The following CCDC62 variants were observed in gnomAD, a reference collection of about 807,000 sequenced individuals.
CCDC62 encodes coiled-coil domain-containing protein 62.
In CCDC62, 72 loss-of-function variants were observed where a neutral mutation model predicts 80.8. That is an observed-to-expected ratio of 0.89 (90% confidence interval 0.74 to 1.08). The LOEUF is 1.08. Among genes scored for constraint, CCDC62 ranks in the 50% least tolerant of loss-of-function variants. CCDC62 has a pLI of 0.00. For missense variants in CCDC62, 704 were observed against 809.4 expected (o/e 0.87, Z 1.58); for synonymous variants, 286 against 296.5 (o/e 0.96, Z 0.36).
intron 3 of CCDC62, 88 bp downstream of exon 3, chr12:122,781,418 G>A (rs1879856131): frequency 7.1e-6 from 9 of 1,276,350 alleles, no homozygotes; most frequent in South Asian, 6.1e-5. Flanking sequence ...GGGCACGGTG[G>A]CTCACTCCTG....
intron 11 of CCDC62, among the ~76,000 whole-genome samples, chr12:122,819,382 G>A (rs1366040429): frequency 3.9e-5 from 6 of 152,278 alleles, no homozygotes; most frequent in Admixed American, 2.0e-4. Flanking sequence ...ACTCTCCCAC[G>A]TTGCCAGGGA....
chr12:122,822,060 A>AACACACAGAC (rs2032425038), intron 11 of CCDC62, among the ~76,000 whole-genome samples: 1 of 115,764 alleles, frequency 8.6e-6, no homozygotes, highest in Admixed American at 1.1e-4. Flanking sequence ...TATAAATTTA[A>AACACACAGAC]ACACACACAC....
chr12:122,781,934 C>T (rs1343296288), intron 3 of CCDC62, among the ~76,000 whole-genome samples: 2 of 149,258 alleles, frequency 1.3e-5, no homozygotes, highest in Admixed American at 6.8e-5. Context: ...GTCCCAGCTA[C>T]TTGGGAGGCT....
rs897557563 is a variant in CCDC62, at chr12:122,797,329, T to C, written c.795T>C (p.Asp265=). The change falls in exon 7 of 13, where the codon GAT becomes GAC. Residue 265 remains aspartate, a synonymous_variant. Transcript: ENST00000253079. ...LFTVEREKRK[D]ELLNIAKSKQ... ...TAGTAGAGAGAGAAAAGAGGAAAGA[T>C]GAATTGCTTAATATTGCGAAGTCAA... 20 of 1,582,446 alleles carry C rather than the reference T, an allele frequency of 1.3e-5. No homozygotes were observed. The highest frequency in any genetic ancestry group is 3.3e-5 in the Admixed American group (2 of 59,890).
intron 3 of CCDC62, among the ~76,000 whole-genome samples, chr12:122,782,672 G>A (rs1201892262): frequency 6.6e-6 from 1 of 151,874 alleles, no homozygotes; most frequent in East Asian, 1.9e-4. Context: ...TGGCCAGGCT[G>A]GTCTCCAACG....
intron 4 of CCDC62, 42 bp from the exon 5 acceptor site, chr12:122,788,716 A>G (rs370931122): frequency 4.9e-4 from 618 of 1,263,738 alleles, no homozygotes; most frequent in Non-Finnish European, 6.5e-4. Context: ...GTTAATTGGA[A>G]TTTAAGAATC....
intron 10 of CCDC62, among the ~76,000 whole-genome samples, chr12:122,812,830 AAG>A (rs2031999946): frequency 6.6e-6 from 1 of 151,356 alleles, no homozygotes; most frequent in Non-Finnish European, 1.5e-5. Context: ...AAAGAAAGAA[AAG>A]GAATGAATTT....
At chr12:122,795,039 C>T (rs1402242251) in intron 6 of CCDC62, among the ~76,000 whole-genome samples, 1 of 151,914 alleles carries the variant, frequency 6.6e-6, no homozygotes, top group Non-Finnish European at 1.5e-5. Flanking sequence ...GGCTAAATGT[C>T]ACGATTTTTT....
At chr12:122,783,260 T>C (rs1418163092) in intron 3 of CCDC62, among the ~76,000 whole-genome samples, 8 of 150,242 alleles carry the variant, frequency 5.3e-5, no homozygotes, top group African/African-American at 1.7e-4. Context: ...CGGAGTCTCG[T>C]TCTGTCGCCC....
At chr12:122,787,419 C>T (rs1053780294) in intron 4 of CCDC62, among the ~76,000 whole-genome samples, 1 of 148,836 alleles carries the variant, frequency 6.7e-6, no homozygotes, top group African/African-American at 2.5e-5. Flanking sequence ...CCACTGCACT[C>T]CAGCTTGGGC....
chr12:122,799,551 T>C (rs899653967), intron 8 of CCDC62, among the ~76,000 whole-genome samples: 1 of 152,150 alleles, frequency 6.6e-6, no homozygotes, highest in African/African-American at 2.4e-5. Flanking sequence ...GGGAATTAAA[T>C]TGGTTTTGGT....
At position 122,817,275 on chromosome 12, in the gene CCDC62, T is replaced by A. The variant is rs1196598432; in HGVS notation, c.2001+3856T>A. The stretch of plus-strand genomic sequence containing the variant: ...TGGGGTTTCACCATGCTAGCCAGGA[T>A]GGTCTTGATCTCCTGACCTTGTGAT... On this transcript the variant is annotated intron_variant, in intron 11 of 12. Coordinates refer to ENST00000253079, the MANE Select transcript of CCDC62 (RefSeq NM_201435.5). Among the ~76,000 whole-genome samples the A allele has an allele frequency of 8.6e-5, 13 of 150,898 alleles. No homozygotes were observed. In the East Asian group the frequency reaches 2.5e-3, roughly 29 times the overall value.
At chr12:122,825,485 T>A (rs564349136) in intron 12 of CCDC62, among the ~76,000 whole-genome samples, 1 of 149,740 alleles carries the variant, frequency 6.7e-6, no homozygotes, top group South Asian at 2.1e-4. Flanking sequence ...TAGCTGGGAT[T>A]ACAGGCATGT....
chr12:122,798,243 T>A, intron 8 of CCDC62, 43 bp downstream of exon 8: 1 of 955,246 alleles, frequency 1.0e-6, no homozygotes, highest in Admixed American at 1.8e-5. Context: ...TGTATTATAT[T>A]CCATCAGCCA....
chr12:122,774,748 G>A, intron 1 of CCDC62, 42 bp downstream of exon 1: 7 of 1,228,876 alleles, frequency 5.7e-6, no homozygotes, highest in Non-Finnish European at 7.2e-6. Context: ...CGCGGGAACG[G>A]TGCACATTGG....
chr12:122,818,167 A>G (rs911833689), intron 11 of CCDC62, among the ~76,000 whole-genome samples: 1 of 151,948 alleles, frequency 6.6e-6, no homozygotes, highest in African/African-American at 2.4e-5. Context: ...AATTAGCTGG[A>G]TGTGGCCAGG....
chr12:122,787,708 G>A (rs996568647), intron 4 of CCDC62, among the ~76,000 whole-genome samples: 1 of 150,148 alleles, frequency 6.7e-6, no homozygotes, highest in Admixed American at 6.7e-5. Context: ...CCGAGATCAC[G>A]CCACTGCACT....
intron 6 of CCDC62, among the ~76,000 whole-genome samples, chr12:122,792,397 A>T (rs1186896038): frequency 1.3e-5 from 2 of 148,414 alleles, no homozygotes; most frequent in Non-Finnish European, 1.5e-5. Flanking sequence ...AATTTTGTAT[A>T]TTTAGTAGAG....
intron 8 of CCDC62, 124 bp from the exon 9 acceptor site, chr12:122,801,000 G>T: frequency 1.0e-6 from 1 of 1,004,302 alleles, no homozygotes; most frequent in Non-Finnish European, 1.5e-6. Flanking sequence ...CTGGAATTGG[G>T]CTCTGAGGTT....
Sources: allele counts gnomAD v4.1 joint callset (sites outside exome capture counted in the v4.1 genomes callset), GRCh38; gene constraint gnomAD v4.1.1; transcripts MANE v1.5; gene names NCBI Gene and HGNC (gene_info 2026-07-23, HGNC 2026-07-21).